Variants in SLC36A1 observed in about 807,000 individuals in gnomAD.
The protein encoded by SLC36A1 is proton-coupled amino acid transporter 1.
A neutral mutation model predicts 47.5 loss-of-function variants in SLC36A1; 30 were observed. The observed-to-expected ratio is 0.63, with a 90% confidence interval of 0.47 to 0.86. The LOEUF is 0.86. SLC36A1 is among the 40% of genes least tolerant of loss of function. SLC36A1 has a pLI of 0.00. For synonymous variants in SLC36A1, 255 were observed against 249.7 expected (o/e 1.02, Z -0.20); for missense variants, 517 against 606.0 (o/e 0.85, Z 1.54).
chr5:151,473,843 A>G (rs1164881766), intron 8 of SLC36A1, 72 bp downstream of exon 8: 1 of 1,173,832 alleles, frequency 8.5e-7, no homozygotes, highest in African/African-American at 1.5e-5. Context: ...GTTTCAAGGA[A>G]TGCTGAGGAA....
At chr5:151,443,923 G>A (rs1388663001), upstream of SLC36A1, among the ~76,000 whole-genome samples, 1 of 152,124 alleles carries the variant, frequency 6.6e-6, no homozygotes, top group Non-Finnish European at 1.5e-5. Flanking sequence ...TGAGGAGACT[G>A]TCTTTTCCCT....
chr5:151,354,791 A>G, the SLC36A1 span, among the ~76,000 whole-genome samples: 1 of 152,150 alleles, frequency 6.6e-6, no homozygotes, highest in African/African-American at 2.4e-5. Flanking sequence ...ACCTGAACCA[A>G]TCATTGTGAC....
At chr5:151,473,614 C>T in intron 7 of SLC36A1, 59 bp from the exon 8 acceptor site, 3 of 1,148,288 alleles carry the variant, frequency 2.6e-6, no homozygotes, top group Non-Finnish European at 3.9e-6. Context: ...GAGTTCAAAT[C>T]TTGAATTTCT....
chr5:151,529,210 C>G, the SLC36A1 span: 3 of 1,614,170 alleles, frequency 1.9e-6, no homozygotes, highest in Non-Finnish European at 2.5e-6. Flanking sequence ...AGGGCATTCT[C>G]TAAGACCCTT....
intron 10 of SLC36A1, chr5:151,480,037 T>C: frequency 7.4e-7 from 1 of 1,359,940 alleles, no homozygotes; most frequent in Non-Finnish European, 1.0e-6. Flanking sequence ...TTATTCTTCT[T>C]CTCTCAACCC....
chr5:151,347,343 C>G, the SLC36A1 span: 2 of 1,614,234 alleles, frequency 1.2e-6, no homozygotes, highest in South Asian at 1.1e-5. Flanking sequence ...GAAGGACTTT[C>G]ATCCAAGAAT....
the SLC36A1 span, chr5:151,381,298 G>A: frequency 4.5e-6 from 1 of 220,852 alleles, no homozygotes; most frequent in South Asian, 7.1e-5. Context: ...TGCACCCCTG[G>A]GAGCTCTTTG....
At chr5:151,396,852 A>G in the SLC36A1 span, among the ~76,000 whole-genome samples, 1 of 152,196 alleles carries the variant, frequency 6.6e-6, no homozygotes, top group Admixed American at 6.5e-5. Flanking sequence ...TTGATAGGTT[A>G]AGCAATATTC....
At chr5:151,510,814 GGT>G in the SLC36A1 span, 2 of 152,384 alleles carry the variant, frequency 1.3e-5, no homozygotes, top group Non-Finnish European at 2.9e-5. Flanking sequence ...CAAAGAGAAA[GGT>G]GTTTCAGGCG....
Position 151,463,613 on chromosome 5 carries a change from C to G in SLC36A1, c.204C>G (p.Leu68=). 3.1e-6 allele frequency: 5 copies of G among 1,614,192 alleles called. No individual in the cohort carries two copies. Among genetic ancestry groups the G allele is most frequent in the Non-Finnish European group, 2.5e-6 (3 of 1,180,022 alleles). Residue 68 remains leucine (L), a synonymous_variant, in exon 3 of 11, where the codon CTC becomes CTG. Transcript: ENST00000243389. ...ACATTGGCACAGGACTCCTGGGACTCCCTCTGGCGGTGAAAAATGCAGGCA... is the reference window on the plus strand; with the variant it reads ...ACATTGGCACAGGACTCCTGGGACTGCCTCTGGCGGTGAAAAATGCAGGCA... ...KGNIGTGLLG[L]PLAVKNAGIV...
chr5:151,510,071 G>A, the SLC36A1 span: 17 of 1,614,206 alleles, frequency 1.1e-5, no homozygotes, highest in Admixed American at 3.3e-5. Context: ...CTTTGGGGGA[G>A]AGGATGCAAG....
the SLC36A1 span, among the ~76,000 whole-genome samples, chr5:151,381,794 G>A: frequency 0.022 from 3,405 of 152,074 alleles, 115 homozygotes; most frequent in African/African-American, 0.077. Flanking sequence ...CACTGGCCCC[G>A]CCCCCTACCC....
intron 5 of SLC36A1, 127 bp from the exon 6 acceptor site, chr5:151,467,072 C>T (rs998226815): frequency 1.4e-6 from 1 of 697,496 alleles, no homozygotes; most frequent in Non-Finnish European, 2.5e-6. Flanking sequence ...GCAGTATATC[C>T]ATTTAACAAA....
At chr5:151,550,523 C>T in the SLC36A1 span, 1 of 1,545,864 alleles carries the variant, frequency 6.5e-7, no homozygotes, top group East Asian at 2.2e-5. Flanking sequence ...CAGCATGTCT[C>T]CAAGCATGTC....
intron 4 of SLC36A1, 22 bp from the exon 5 acceptor site, chr5:151,465,052 C>G: frequency 1.3e-6 from 2 of 1,583,440 alleles, no homozygotes; most frequent in Non-Finnish European, 1.7e-6. Flanking sequence ...TCTGTCCTTC[C>G]TCTTCCCTCC....
At chr5:151,398,134 A>C in the SLC36A1 span, among the ~76,000 whole-genome samples, 2 of 152,250 alleles carry the variant, frequency 1.3e-5, no homozygotes, top group East Asian at 3.9e-4. Context: ...AAAATTATAC[A>C]TGGACAGTCG....
At chr5:151,446,421 T>C (rs149251205), upstream of SLC36A1, among the ~76,000 whole-genome samples, 594 of 152,172 alleles carry the variant, frequency 3.9e-3, 4 homozygotes, top group African/African-American at 0.014. Flanking sequence ...TCCCAGCTAC[T>C]TGGGAGGCTG....
chr5:151,364,880 A>G, the SLC36A1 span, among the ~76,000 whole-genome samples: 1 of 152,098 alleles, frequency 6.6e-6, no homozygotes, highest in African/African-American at 2.4e-5. Context: ...GAACATGTTT[A>G]CTTCAGTTCC....
intron 1 of SLC36A1, among the ~76,000 whole-genome samples, chr5:151,442,322 A>G (rs1752675054): frequency 6.6e-6 from 1 of 152,114 alleles, no homozygotes; most frequent in Non-Finnish European, 1.5e-5. Context: ...AGCAGCTAAA[A>G]TTTACTCATT....
Sources: gnomAD v4.1 joint callset for allele counts (sites outside exome capture counted in the v4.1 genomes callset) on GRCh38, gnomAD v4.1.1 for gene constraint, MANE v1.5 for transcripts, NCBI Gene and HGNC (gene_info 2026-07-23, HGNC 2026-07-21) for gene names.